GRIK2: variants seen among roughly 807,000 people sequenced by gnomAD.
The protein encoded by GRIK2 is glutamate ionotropic receptor kainate type subunit 2.
In GRIK2, 32 loss-of-function variants were observed where a neutral mutation model predicts 100.3. That is an observed-to-expected ratio of 0.32 (90% CI 0.24 to 0.43). GRIK2 has a LOEUF of 0.43. Ranked by LOEUF, GRIK2 falls within the 20% of genes least tolerant of loss-of-function variation. The pLI, the probability that GRIK2 is intolerant of heterozygous loss-of-function variation, is 1.00. For synonymous variants in GRIK2, 417 were observed against 389.4 expected (o/e 1.07, Z -0.83); for missense variants, 843 against 1,114.9 (o/e 0.76, Z 3.47).
chr6:102,060,008 T>C (rs953712626), intron 16 of GRIK2, among the ~76,000 whole-genome samples: 4 of 150,174 alleles, frequency 2.7e-5, no homozygotes, highest in Non-Finnish European at 6.0e-5. Flanking sequence ...AAATAAAATA[T>C]ATATATATAT....
chr6:101,854,595 A>G (rs966398680), intron 10 of GRIK2, among the ~76,000 whole-genome samples: 1 of 152,140 alleles, frequency 6.6e-6, no homozygotes, highest in Admixed American at 6.6e-5. Flanking sequence ...ATCATGAAAA[A>G]TTATTGGGAA....
chr6:101,532,577 A>T (rs984303788), intron 2 of GRIK2, among the ~76,000 whole-genome samples: 2 of 151,260 alleles, frequency 1.3e-5, no homozygotes, highest in African/African-American at 4.8e-5. Context: ...CCTTAATATA[A>T]CACTTTTAGG....
chr6:101,588,145 C>T (rs1204108668), intron 2 of GRIK2, among the ~76,000 whole-genome samples: 1 of 151,830 alleles, frequency 6.6e-6, no homozygotes, highest in Non-Finnish European at 1.5e-5. Flanking sequence ...ATGAATATAA[C>T]CTAAAATGTA....
intron 7 of GRIK2, among the ~76,000 whole-genome samples, chr6:101,756,643 C>T (rs920252864): frequency 1.3e-5 from 2 of 152,050 alleles, no homozygotes; most frequent in African/African-American, 4.8e-5. Context: ...TTTATAAGGG[C>T]TTGGTATAAA....
intron 14 of GRIK2, among the ~76,000 whole-genome samples, chr6:101,988,200 TG>T (rs1169667726): frequency 6.6e-6 from 1 of 151,040 alleles, no homozygotes; most frequent in Non-Finnish European, 1.5e-5. Flanking sequence ...TGTAGATATA[TG>T]TGTGTTTATG....
intron 4 of GRIK2, among the ~76,000 whole-genome samples, chr6:101,636,190 T>C (rs765343212): frequency 1.3e-5 from 2 of 152,152 alleles, no homozygotes; most frequent in Non-Finnish European, 2.9e-5. Flanking sequence ...GATGAGTTCA[T>C]GTCCTTTGCA....
At chr6:101,904,058 A>G (rs1415758439) in intron 12 of GRIK2, among the ~76,000 whole-genome samples, 1 of 151,050 alleles carries the variant, frequency 6.6e-6, no homozygotes, top group Non-Finnish European at 1.5e-5. Flanking sequence ...ACACTTAGCC[A>G]TGGGGCCTTT....
In GRIK2 at chr6:101,522,986, A is replaced by G. The variant is rs533310481; in HGVS notation, c.116-98963A>G. On this transcript the variant is annotated intron_variant, in intron 2 of 16. Transcript: ENST00000369134. ...GAGTTTCTATGGCTTGCAATCTTCC[A>G]GTTAGAGTGCTAAATGCTTAAGTTG... 8.6e-5 allele frequency among the ~76,000 whole-genome samples: 13 copies of G among 151,782 alleles called. 1 individual carries two copies. The South Asian group carries it at 2.5e-3, about 29-fold the overall frequency.
At chr6:101,851,105 TA>T (rs1443579110) in intron 10 of GRIK2, among the ~76,000 whole-genome samples, 1 of 152,066 alleles carries the variant, frequency 6.6e-6, no homozygotes, top group Non-Finnish European at 1.5e-5. Flanking sequence ...CCATAAATAC[TA>T]AAAAGATGCA....
chr6:101,576,331 C>G (rs1412115485), intron 2 of GRIK2, among the ~76,000 whole-genome samples: 1 of 151,994 alleles, frequency 6.6e-6, no homozygotes, highest in Non-Finnish European at 1.5e-5. Context: ...TTTTGGAAAT[C>G]TGCATGAAAG....
intron 9 of GRIK2, 107 bp from the exon 10 acceptor site, chr6:101,818,263 A>C: frequency 1.6e-6 from 1 of 643,604 alleles, no homozygotes; most frequent in Non-Finnish European, 2.7e-6. Context: ...GCAGCAGACA[A>C]TGCAGCAAAG....
chr6:101,651,835 C>T (rs560967846), intron 4 of GRIK2, among the ~76,000 whole-genome samples: 1 of 152,026 alleles, frequency 6.6e-6, no homozygotes, highest in African/African-American at 2.4e-5. Flanking sequence ...ATGAACTATT[C>T]ATTTGAGAGT....
At chr6:101,570,172 A>G (rs1202308155) in intron 2 of GRIK2, among the ~76,000 whole-genome samples, 2 of 152,092 alleles carry the variant, frequency 1.3e-5, no homozygotes, top group African/African-American at 2.4e-5. Context: ...TCCCACTTCC[A>G]TGATCTCTAT....
intron 14 of GRIK2, among the ~76,000 whole-genome samples, chr6:102,002,276 A>ATGTGTGTGTATATATG (rs1322690257): frequency 6.7e-6 from 1 of 148,334 alleles, no homozygotes. Flanking sequence ...GTGTGTATGT[A>ATGTGTGTGTATATATG]TGTGTGTGTA....
chr6:101,898,042 A>C (rs918693339), intron 12 of GRIK2, among the ~76,000 whole-genome samples: 14 of 151,918 alleles, frequency 9.2e-5, no homozygotes, highest in African/African-American at 3.4e-4. Flanking sequence ...TGTCAACAGT[A>C]GCCAGATTAT....
At chr6:101,668,562 T>A (rs1770199219) in intron 4 of GRIK2, among the ~76,000 whole-genome samples, 1 of 27,522 alleles carries the variant, frequency 3.6e-5, no homozygotes, top group Non-Finnish European at 6.0e-5. Flanking sequence ...TATTATCTTT[T>A]CTCAACTGAA....
chr6:101,698,081 A>C (rs983727594), intron 7 of GRIK2, among the ~76,000 whole-genome samples: 21 of 152,110 alleles, frequency 1.4e-4, no homozygotes, highest in African/African-American at 5.1e-4. Flanking sequence ...TAAATTTAAG[A>C]GTAGGTAGTT....
intron 2 of GRIK2, among the ~76,000 whole-genome samples, chr6:101,617,618 A>G (rs1383526726): frequency 6.6e-6 from 1 of 151,664 alleles, no homozygotes; most frequent in Non-Finnish European, 1.5e-5. Flanking sequence ...TGTCTTTTTC[A>G]TTTTAGCCAT....
intron 2 of GRIK2, among the ~76,000 whole-genome samples, chr6:101,558,282 G>A (rs1039935555): frequency 1.8e-4 from 27 of 152,116 alleles, no homozygotes; most frequent in Non-Finnish European, 2.8e-4. Flanking sequence ...TTAGAAGATG[G>A]CTAAGGCCCG....
Sources: allele counts gnomAD v4.1 joint callset (sites outside exome capture counted in the v4.1 genomes callset), GRCh38; gene constraint gnomAD v4.1.1; transcripts MANE v1.5; gene names NCBI Gene and HGNC (gene_info 2026-07-23, HGNC 2026-07-21).